Variants in SHISA6 observed in about 807,000 individuals in gnomAD.
The protein encoded by SHISA6 is protein shisa-6.
Under a neutral mutation model 47.9 loss-of-function variants are expected in SHISA6, and 22 were observed. That is an observed-to-expected ratio of 0.46 (90% CI 0.33 to 0.66). The LOEUF (loss-of-function observed/expected upper bound fraction) is 0.66. SHISA6 is among the 30% of genes least tolerant of loss of function. The probability of loss-of-function intolerance (pLI) is 0.02; values close to 1 mark genes in which losing one functional copy is unlikely to be tolerated. For synonymous variants in SHISA6, 388 were observed against 337.8 expected (o/e 1.15, Z -1.63); for missense variants, 680 against 764.6 (o/e 0.89, Z 1.30).
At chr17:11,313,190 A>G (rs1295818164) in intron 2 of SHISA6, among the ~76,000 whole-genome samples, 1 of 152,214 alleles carries the variant, frequency 6.6e-6, no homozygotes, top group Non-Finnish European at 1.5e-5. Flanking sequence ...AGTATCTGGT[A>G]GTGCACCTCT....
chr17:11,521,910 T>C (rs2142363568), intron 3 of SHISA6, among the ~76,000 whole-genome samples: 1 of 152,262 alleles, frequency 6.6e-6, no homozygotes, highest in South Asian at 2.1e-4. Flanking sequence ...CTTAGAGATA[T>C]ATACAGTTTT....
intron 2 of SHISA6, among the ~76,000 whole-genome samples, chr17:11,270,166 G>A (rs912665582): frequency 6.6e-6 from 1 of 152,162 alleles, no homozygotes; most frequent in Non-Finnish European, 1.5e-5. Context: ...AATAGAGACA[G>A]GGTTTCACCA....
At chr17:11,292,907 C>A (rs1444824232) in intron 2 of SHISA6, among the ~76,000 whole-genome samples, 1 of 150,812 alleles carries the variant, frequency 6.6e-6, no homozygotes, top group Non-Finnish European at 1.5e-5. Context: ...TCATTGCAAC[C>A]TCTGCCTCCT....
chr17:11,250,857 C>G (rs1567699332), intron 1 of SHISA6, among the ~76,000 whole-genome samples: 1 of 152,066 alleles, frequency 6.6e-6, no homozygotes, highest in South Asian at 2.1e-4. Flanking sequence ...AACTGGAGAT[C>G]TCGGTGAGAT....
intron 3 of SHISA6, among the ~76,000 whole-genome samples, chr17:11,534,016 T>C (rs1003729702): frequency 6.6e-6 from 1 of 152,016 alleles, no homozygotes; most frequent in African/African-American, 2.4e-5. Flanking sequence ...TCACTCTTGT[T>C]GCCCTGGCTG....
intron 1 of SHISA6, among the ~76,000 whole-genome samples, 171 bp downstream of exon 1, chr17:11,242,231 T>A (rs376365634): frequency 7.2e-5 from 11 of 152,188 alleles, no homozygotes; most frequent in Admixed American, 3.9e-4. Flanking sequence ...TGCCCCCTCC[T>A]CCATTTCTTC....
At chr17:11,434,567 C>T (rs771701376) in intron 3 of SHISA6, among the ~76,000 whole-genome samples, 4 of 152,158 alleles carry the variant, frequency 2.6e-5, no homozygotes, top group African/African-American at 9.7e-5. Flanking sequence ...GAGCATAAAA[C>T]AAGAGGTGCA....
chr17:11,476,753 T>C (rs1028015310), intron 3 of SHISA6, among the ~76,000 whole-genome samples: 8 of 152,070 alleles, frequency 5.3e-5, no homozygotes, highest in Non-Finnish European at 1.0e-4. Flanking sequence ...GATGAAGTAA[T>C]CTGTAGATGC....
intron 2 of SHISA6, among the ~76,000 whole-genome samples, chr17:11,312,104 CAG>C (rs1360155367): frequency 2.6e-5 from 4 of 152,076 alleles, no homozygotes; most frequent in Non-Finnish European, 5.9e-5. Context: ...TAAAATATGT[CAG>C]AAATTATAAC....
At chr17:11,538,240 T>C (rs986054923) in intron 3 of SHISA6, among the ~76,000 whole-genome samples, 4 of 152,054 alleles carry the variant, frequency 2.6e-5, no homozygotes, top group Admixed American at 2.6e-4. Context: ...ATTTTTGTAT[T>C]TTTAGTAGAG....
intron 2 of SHISA6, among the ~76,000 whole-genome samples, chr17:11,337,667 A>C (rs563428564): frequency 6.6e-6 from 1 of 152,304 alleles, no homozygotes; most frequent in East Asian, 1.9e-4. Context: ...TACCTGCTCC[A>C]AGATGGCTTT....
At chr17:11,475,042 A>G (rs1465337282) in intron 3 of SHISA6, among the ~76,000 whole-genome samples, 1 of 152,186 alleles carries the variant, frequency 6.6e-6, no homozygotes, top group Non-Finnish European at 1.5e-5. Context: ...TCACTCAGAT[A>G]AATCTTACAC....
intron 2 of SHISA6, among the ~76,000 whole-genome samples, chr17:11,294,191 T>C (rs62062058): frequency 0.16 from 24,697 of 152,186 alleles, 2,467 homozygotes; most frequent in Non-Finnish European, 0.22. Context: ...GCTGGTGTTA[T>C]TGTTAATATC....
rs941989668 is a variant in SHISA6, at chr17:11,269,187, G to A, written c.799+5661G>A. ...CTCCCAAGTAGCTGGGACTACAGGA[G>A]CCCGCCACCAGATCCAGTTAATCTT... On this transcript the variant is annotated intron_variant, in intron 2 of 5. Transcript: ENST00000441885. 3.3e-5 allele frequency among the ~76,000 whole-genome samples: 5 copies of A among 152,180 alleles called. No homozygotes were observed. In the East Asian group the frequency reaches 9.7e-4, roughly 29 times the overall value.
chr17:11,282,227 T>G (rs1347121723), intron 2 of SHISA6, among the ~76,000 whole-genome samples: 1 of 152,160 alleles, frequency 6.6e-6, no homozygotes, highest in Non-Finnish European at 1.5e-5. Flanking sequence ...CTTTACTATG[T>G]AAATCAGCAG....
At chr17:11,314,629 G>A (rs1353897466) in intron 2 of SHISA6, among the ~76,000 whole-genome samples, 2 of 150,382 alleles carry the variant, frequency 1.3e-5, no homozygotes, top group Admixed American at 6.7e-5. Flanking sequence ...TCCGTCTCCC[G>A]GATTCAAGCA....
chr17:11,289,426 G>C (rs184636684), intron 2 of SHISA6: 18 of 152,046 alleles, frequency 1.2e-4, no homozygotes, highest in African/African-American at 4.3e-4. Context: ...GGTTATGCTA[G>C]CTTTGCAAAA....
intron 1 of SHISA6, among the ~76,000 whole-genome samples, chr17:11,248,279 C>T (rs1220157994): frequency 6.6e-6 from 1 of 152,134 alleles, no homozygotes; most frequent in Non-Finnish European, 1.5e-5. Context: ...GTAGTACATT[C>T]TATTCTTTTG....
chr17:11,541,801 T>C (rs908656595), intron 3 of SHISA6, among the ~76,000 whole-genome samples: 1 of 152,142 alleles, frequency 6.6e-6, no homozygotes, highest in Non-Finnish European at 1.5e-5. Context: ...CACTTCCCTC[T>C]AACATCTCTT....
Sources: gnomAD v4.1 joint callset for allele counts (sites outside exome capture counted in the v4.1 genomes callset) on GRCh38, gnomAD v4.1.1 for gene constraint, MANE v1.5 for transcripts, NCBI Gene and HGNC (gene_info 2026-07-23, HGNC 2026-07-21) for gene names.